LGSN: variants seen among roughly 807,000 people sequenced by gnomAD.
LGSN encodes lengsin, lens protein with glutamine synthetase domain, also known as lengsin.
LGSN carries 21 observed loss-of-function variants against 19.5 expected under a neutral mutation model. The observed-to-expected ratio is 1.07, with a 90% CI of 0.76 to 1.55. The LOEUF is 1.55. Ranked by LOEUF, LGSN falls within the 40% of genes most tolerant of loss-of-function variation. LGSN has a pLI of 0.00. For synonymous variants in LGSN, 257 were observed against 215.6 expected, an observed-to-expected ratio of 1.19 and a Z score of -1.68; for missense variants, 673 against 608.5, an observed-to-expected ratio of 1.11 and a Z score of -1.12.
the LGSN span, among the ~76,000 whole-genome samples, chr6:63,419,545 C>T: frequency 2.0e-5 from 3 of 152,050 alleles, no homozygotes; most frequent in Non-Finnish European, 4.4e-5. Flanking sequence ...TTTGAGGCCT[C>T]CTTACCAGGG....
the LGSN span, among the ~76,000 whole-genome samples, chr6:63,327,309 A>G: frequency 2.9e-3 from 449 of 152,302 alleles, 3 homozygotes; most frequent in African/African-American, 0.01. Context: ...CCCCAAAGGT[A>G]AGTAACAGCA....
the LGSN span, among the ~76,000 whole-genome samples, chr6:63,373,954 G>T: frequency 6.6e-6 from 1 of 152,104 alleles, no homozygotes; most frequent in Admixed American, 6.6e-5. Context: ...AGGCCAGGGT[G>T]GGGTGGCGGG....
chr6:63,435,020 G>A, the LGSN span, among the ~76,000 whole-genome samples: 2 of 152,120 alleles, frequency 1.3e-5, no homozygotes, highest in Non-Finnish European at 2.9e-5. Flanking sequence ...CAATATGTAC[G>A]CAATTAAGGG....
chr6:63,569,745 T>C, the LGSN span, among the ~76,000 whole-genome samples: 1 of 152,322 alleles, frequency 6.6e-6, no homozygotes, highest in East Asian at 1.9e-4. Context: ...TTTTAGAGCC[T>C]CTCCTGGAGC....
chr6:63,407,832 C>G, the LGSN span, among the ~76,000 whole-genome samples: 1 of 152,162 alleles, frequency 6.6e-6, no homozygotes, highest in Admixed American at 6.5e-5. Context: ...TCAGCAAAGT[C>G]TCAGGATACA....
chr6:63,406,394 C>T, the LGSN span, among the ~76,000 whole-genome samples: 9 of 152,076 alleles, frequency 5.9e-5, no homozygotes, highest in East Asian at 1.5e-3. Context: ...CGCTCAACTA[C>T]GTGGAAACTG....
At chr6:63,473,448 T>A in the LGSN span, among the ~76,000 whole-genome samples, 3 of 123,028 alleles carry the variant, frequency 2.4e-5, no homozygotes, top group Non-Finnish European at 4.7e-5. Context: ...CACTCCAGCC[T>A]GGGTAACAGA....
the LGSN span, among the ~76,000 whole-genome samples, chr6:63,557,408 A>T: frequency 6.6e-6 from 1 of 152,100 alleles, no homozygotes; most frequent in Admixed American, 6.6e-5. Flanking sequence ...TCTACTAAAA[A>T]TACAAAAATT....
the LGSN span, among the ~76,000 whole-genome samples, chr6:63,408,995 C>T: frequency 4.6e-5 from 7 of 152,188 alleles, no homozygotes; most frequent in Admixed American, 1.3e-4. Context: ...ATTGCAGCCT[C>T]GAACTTCTGG....
the LGSN span, among the ~76,000 whole-genome samples, chr6:63,564,286 AAAAAG>A: frequency 2.5e-4 from 38 of 152,114 alleles, no homozygotes; most frequent in African/African-American, 9.2e-4. Flanking sequence ...AAAAAAAAAA[AAAAAG>A]AGAGAAATTT....
the LGSN span, among the ~76,000 whole-genome samples, chr6:63,562,465 C>G: frequency 1.3e-5 from 2 of 152,310 alleles, no homozygotes; most frequent in East Asian, 3.9e-4. Context: ...TCCCAAAGTG[C>G]TGGGATTACA....
chr6:63,572,481 C>A, the LGSN span: 1 of 389,180 alleles, frequency 2.6e-6, no homozygotes, highest in Non-Finnish European at 4.5e-6. Context: ...CGCAAGGGCG[C>A]CTCGGCGCGT....
chr6:63,466,714 A>C, the LGSN span, among the ~76,000 whole-genome samples: 1 of 152,160 alleles, frequency 6.6e-6, no homozygotes, highest in Non-Finnish European at 1.5e-5. Flanking sequence ...GACCCAAGCA[A>C]CTGGAAGGAT....
the LGSN span, among the ~76,000 whole-genome samples, chr6:63,491,014 C>T: frequency 1.4e-4 from 21 of 152,194 alleles, 1 homozygote; most frequent in Admixed American, 1.4e-3. Flanking sequence ...GATGCCTGCC[C>T]ACAGTGGTGA....
At chr6:63,343,481 T>C in the LGSN span, among the ~76,000 whole-genome samples, 1 of 152,214 alleles carries the variant, frequency 6.6e-6, no homozygotes, top group African/African-American at 2.4e-5. Flanking sequence ...CTACCCTTAG[T>C]TGCTTCCCTG....
At chr6:63,501,599 A>AGC in the LGSN span, among the ~76,000 whole-genome samples, 1 of 152,066 alleles carries the variant, frequency 6.6e-6, no homozygotes, top group African/African-American at 2.4e-5. Context: ...AAAAAAAAAA[A>AGC]GCGCTTGTTG....
the LGSN span, among the ~76,000 whole-genome samples, chr6:63,459,291 G>C: frequency 6.6e-6 from 1 of 152,082 alleles, no homozygotes. Flanking sequence ...TATGAACTAG[G>C]AGAGACCATA....
the LGSN span, among the ~76,000 whole-genome samples, chr6:63,513,932 A>AAAAAAAAAAAAAAAAAAAAAAAAAAAC: frequency 2.6e-5 from 3 of 114,492 alleles, 1 homozygote; most frequent in African/African-American, 7.0e-5. Context: ...AAAAAAAAAA[A>AAAAAAAAAAAAAAAAAAAAAAAAAAAC]AAAACACTGG....
chr6:63,517,964 C>G, the LGSN span, among the ~76,000 whole-genome samples: 2 of 152,034 alleles, frequency 1.3e-5, no homozygotes, highest in Non-Finnish European at 2.9e-5. Context: ...ACGAGCCTGG[C>G]CAGCATGGTG....
Sources: allele counts gnomAD v4.1 joint callset (sites outside exome capture counted in the v4.1 genomes callset), GRCh38; gene constraint gnomAD v4.1.1; transcripts MANE v1.5; gene names NCBI Gene and HGNC (gene_info 2026-07-23, HGNC 2026-07-21).